The following SHC3 variants were observed in gnomAD, a reference collection of about 807,000 sequenced individuals.
SHC3 encodes SHC adaptor protein 3, also known as SHC-transforming protein 3.
A neutral mutation model predicts 60.4 loss-of-function variants in SHC3; 15 were observed. The observed-to-expected ratio is 0.25, with a 90% CI of 0.17 to 0.38. The LOEUF (loss-of-function observed/expected upper bound fraction) is 0.38. SHC3 is among the 10% of genes least tolerant of loss of function. SHC3 has a pLI of 1.00. For synonymous variants in SHC3, 294 were observed against 325.9 expected (o/e 0.90, Z 1.05); for missense variants, 677 against 786.1 (o/e 0.86, Z 1.66).
At chr9:89,160,754 C>T (rs1421579366) in intron 1 of SHC3, among the ~76,000 whole-genome samples, 2 of 152,084 alleles carry the variant, frequency 1.3e-5, no homozygotes, top group African/African-American at 4.8e-5. Flanking sequence ...AATTAGCTGT[C>T]AAGAGAAAGG....
At chr9:89,130,815 A>C (rs1826233519) in intron 1 of SHC3, among the ~76,000 whole-genome samples, 1 of 152,202 alleles carries the variant, frequency 6.6e-6, no homozygotes, top group Non-Finnish European at 1.5e-5. Context: ...GGAAAGATCT[A>C]AAATTGACAC....
intron 1 of SHC3, among the ~76,000 whole-genome samples, chr9:89,126,252 G>T (rs557338722): frequency 1.2e-4 from 19 of 152,230 alleles, no homozygotes; most frequent in African/African-American, 3.6e-4. Context: ...TGGGTTAAAG[G>T]CCCCACTTAA....
intron 9 of SHC3, among the ~76,000 whole-genome samples, chr9:89,044,146 G>C (rs11137493): frequency 0.14 from 20,785 of 152,258 alleles, 1,784 homozygotes; most frequent in Non-Finnish European, 0.19. Context: ...GGGAAATAAT[G>C]TGTCTCCTTT....
chr9:89,051,771 T>A (rs1824865926), intron 7 of SHC3, among the ~76,000 whole-genome samples: 1 of 152,254 alleles, frequency 6.6e-6, no homozygotes, highest in South Asian at 2.1e-4. Flanking sequence ...AAAAAATTTA[T>A]AATGAAGTCG....
chr9:89,091,267 A>C (rs752257122), intron 2 of SHC3, among the ~76,000 whole-genome samples: 8 of 152,270 alleles, frequency 5.3e-5, no homozygotes, highest in Non-Finnish European at 1.2e-4. Flanking sequence ...GATGAAAAAC[A>C]TGACTATAAC....
At chr9:89,046,129 C>T (rs1264460188) in intron 8 of SHC3, among the ~76,000 whole-genome samples, 1 of 132,116 alleles carries the variant, frequency 7.6e-6, no homozygotes, top group East Asian at 2.5e-4. Flanking sequence ...ATATGTATGT[C>T]CTAAAATAAA....
intron 1 of SHC3, among the ~76,000 whole-genome samples, chr9:89,165,526 CAA>C (rs35567194): frequency 0.026 from 3,182 of 121,112 alleles, 42 homozygotes; most frequent in Middle Eastern, 0.073. Context: ...ATCATCAAGG[CAA>C]AAAAAAAAAA....
chr9:89,068,236 T>G (rs959666042), intron 5 of SHC3, among the ~76,000 whole-genome samples: 4 of 152,204 alleles, frequency 2.6e-5, no homozygotes, highest in African/African-American at 9.6e-5. Context: ...GTTCTGGCAT[T>G]TTTGTGGTGG....
intron 1 of SHC3, among the ~76,000 whole-genome samples, chr9:89,160,927 T>C (rs1479267826): frequency 1.3e-5 from 2 of 152,226 alleles, no homozygotes; most frequent in Non-Finnish European, 2.9e-5. Context: ...CATGGAATTA[T>C]GTTCTTAATC....
intron 4 of SHC3, among the ~76,000 whole-genome samples, chr9:89,072,808 T>G (rs1181969000): frequency 1.3e-5 from 2 of 152,224 alleles, no homozygotes; most frequent in African/African-American, 4.8e-5. Context: ...CAGTCAGGAT[T>G]TATATAGCTA....
Position 89,178,474 on chromosome 9 carries a change from C to G in SHC3, c.-14G>C. On this transcript the variant is annotated 5_prime_UTR_variant, in exon 1 of 12. Coordinates refer to ENST00000375835, the MANE Select transcript of SHC3 (RefSeq NM_016848.6). This position sits in a 1 kb window ranked among gnomAD's most constrained non-coding sequence, Gnocchi z 6.9. ...GCGTGGAAGCATGCCCCTCCGTGGG[C>G]TCGCTGCATCCGCCCGGGCGCTGCT... 3 of 1,426,758 alleles carry G rather than the reference C, an allele frequency of 2.1e-6. No individual in the cohort carries two copies. The highest frequency in any genetic ancestry group is 2.8e-6 in the Non-Finnish European group (3 of 1,083,690). 88.4% of individuals were successfully genotyped at this position (1,426,758 alleles called of 1,614,324 possible). A position where few individuals can be genotyped will look rare whatever the true frequency, so the allele number is the denominator to read the frequency against.
At chr9:89,108,427 G>A (rs1188188989) in intron 2 of SHC3, among the ~76,000 whole-genome samples, 3 of 152,036 alleles carry the variant, frequency 2.0e-5, no homozygotes, top group African/African-American at 7.3e-5. Flanking sequence ...AGGCTGAGGT[G>A]GGAGGATCAC....
At chr9:89,080,747 A>C (rs889422190) in intron 2 of SHC3, among the ~76,000 whole-genome samples, 4 of 148,060 alleles carry the variant, frequency 2.7e-5, no homozygotes, top group Non-Finnish European at 4.5e-5. Context: ...ATATATATAT[A>C]TATATATATA....
At chr9:89,108,004 C>T (rs1008198012) in intron 2 of SHC3, among the ~76,000 whole-genome samples, 2 of 152,134 alleles carry the variant, frequency 1.3e-5, no homozygotes, top group Admixed American at 1.3e-4. Context: ...TTCACTCTAC[C>T]TTTTCTATGC....
At chr9:89,142,630 C>T (rs890185624) in intron 1 of SHC3, among the ~76,000 whole-genome samples, 9 of 148,862 alleles carry the variant, frequency 6.0e-5, no homozygotes, top group African/African-American at 1.7e-4. Flanking sequence ...GCAGTGAGAT[C>T]GCACGACTGC....
intron 2 of SHC3, among the ~76,000 whole-genome samples, chr9:89,092,874 T>C (rs1287294087): frequency 1.3e-5 from 2 of 152,168 alleles, no homozygotes; most frequent in Admixed American, 6.5e-5. Flanking sequence ...GCATCTATTG[T>C]TTTAATTTAA....
At chr9:89,152,326 C>T (rs1021576145) in intron 1 of SHC3, among the ~76,000 whole-genome samples, 20 of 152,344 alleles carry the variant, frequency 1.3e-4, no homozygotes, top group Admixed American at 5.2e-4. Flanking sequence ...AGATCAATTA[C>T]CATGCACTGT....
At chr9:89,155,430 T>C (rs973145744) in intron 1 of SHC3, among the ~76,000 whole-genome samples, 2 of 152,132 alleles carry the variant, frequency 1.3e-5, no homozygotes, top group South Asian at 2.1e-4. Context: ...ATGATGGTCT[T>C]GGGGGTCTCA....
Position 89,037,849 on chromosome 9 carries a change from G to A in SHC3, c.1656+144C>T, listed in dbSNP as rs896078499. 3 of 1,068,740 alleles carry A rather than the reference G, an allele frequency of 2.8e-6. No homozygotes were observed. In the African/African-American group the frequency reaches 4.8e-5, roughly 17 times the overall value. The allele number at this position is 1,068,740 out of a possible 1,614,324, so 66.2% of individuals were successfully genotyped here. ...TGGCTCTGGCCTGATGACAGGAGTT[G>A]TCTGTCCCTGCGTTCCCCTGGAGGA... On this transcript the variant is annotated intron_variant, in intron 11 of 11. Transcript: ENST00000375835.
Sources: allele counts gnomAD v4.1 joint callset (sites outside exome capture counted in the v4.1 genomes callset), GRCh38; gene constraint gnomAD v4.1.1; non-coding constraint Gnocchi (gnomAD v3.1); transcripts MANE v1.5; gene names NCBI Gene and HGNC (gene_info 2026-07-23, HGNC 2026-07-21).